Variants in ANKS1B observed in about 807,000 individuals in gnomAD.
ANKS1B encodes ankyrin repeat and sterile alpha motif domain containing 1B, also known as ankyrin repeat and sterile alpha motif domain-containing protein 1B.
Under a neutral mutation model 148.3 loss-of-function variants are expected in ANKS1B, and 36 were observed. The ratio of observed to expected loss-of-function variants is 0.24; its 90% CI spans 0.19 to 0.32. The LOEUF is 0.32. Among genes scored for constraint, ANKS1B ranks in the 10% least tolerant of loss-of-function variants. ANKS1B has a pLI of 1.00. For synonymous variants in ANKS1B, 542 were observed against 560.8 expected (o/e 0.97, Z 0.47); for missense variants, 1,157 against 1,542.6 (o/e 0.75, Z 4.19).
intron 9 of ANKS1B, among the ~76,000 whole-genome samples, chr12:99,578,910 G>A (rs750238023): frequency 2.3e-4 from 35 of 151,916 alleles, no homozygotes; most frequent in Admixed American, 2.2e-3. Context: ...TAAACAAAAA[G>A]AACAATGCCA....
chr12:99,521,268 A>G (rs772792021), intron 9 of ANKS1B, among the ~76,000 whole-genome samples: 2 of 152,192 alleles, frequency 1.3e-5, no homozygotes, highest in African/African-American at 2.4e-5. Context: ...AAATTTATGT[A>G]ATAGAATTCT....
intron 1 of ANKS1B, among the ~76,000 whole-genome samples, chr12:99,938,115 T>C (rs2094825945): frequency 6.6e-6 from 1 of 152,206 alleles, no homozygotes; most frequent in African/African-American, 2.4e-5. Flanking sequence ...GGGATACATG[T>C]ACATGACTAT....
intron 1 of ANKS1B, among the ~76,000 whole-genome samples, chr12:99,886,512 T>A (rs1462137351): frequency 6.6e-6 from 1 of 152,204 alleles, no homozygotes; most frequent in East Asian, 1.9e-4. Flanking sequence ...AATGTTTTTA[T>A]CTTCCTCACC....
At chr12:98,837,071 C>T (rs755170687) in intron 17 of ANKS1B, among the ~76,000 whole-genome samples, 2 of 152,072 alleles carry the variant, frequency 1.3e-5, no homozygotes, top group Non-Finnish European at 2.9e-5. Flanking sequence ...GTGGCTCATG[C>T]CTGTAATCCC....
intron 9 of ANKS1B, among the ~76,000 whole-genome samples, chr12:99,565,137 G>A (rs2097375051): frequency 6.6e-6 from 1 of 152,086 alleles, no homozygotes; most frequent in Admixed American, 6.6e-5. Flanking sequence ...TCAGAATTAT[G>A]GGTTCTAATT....
chr12:99,208,126 A>G (rs1353849500), intron 14 of ANKS1B, among the ~76,000 whole-genome samples: 1 of 152,088 alleles, frequency 6.6e-6, no homozygotes, highest in Non-Finnish European at 1.5e-5. Context: ...TTGCCTAGAA[A>G]GCAAAGAGTC....
Position 98,952,786 on chromosome 12 carries a change from C to T in ANKS1B, c.2778+100371G>A, listed in dbSNP as rs145864023. Reference sequence around the variant, plus strand: ...ATCATCTGCTCTCTGAACAAACTTACTCCTTTCTCAATCTACATTTTTCTA... The same window carrying T: ...ATCATCTGCTCTCTGAACAAACTTATTCCTTTCTCAATCTACATTTTTCTA... On this transcript the variant is annotated intron_variant, in intron 17 of 26. Transcript: ENST00000683438. Among the ~76,000 whole-genome samples, 84 of 152,314 alleles carry T rather than the reference C, an allele frequency of 5.5e-4. 1 individual carries two copies. Among genetic ancestry groups the T allele is most frequent in the Admixed American group, 1.6e-3 (24 of 15,286 alleles).
intron 14 of ANKS1B, among the ~76,000 whole-genome samples, chr12:99,218,139 T>C (rs545864085): frequency 6.6e-6 from 1 of 152,228 alleles, no homozygotes; most frequent in South Asian, 2.1e-4. Flanking sequence ...AATATGAAAG[T>C]TTCAAAGCTT....
At chr12:99,176,800 T>C (rs2078447167) in intron 14 of ANKS1B, among the ~76,000 whole-genome samples, 1 of 152,048 alleles carries the variant, frequency 6.6e-6, no homozygotes, top group Admixed American at 6.6e-5. Context: ...TGCTCCCCCT[T>C]TGCCTTCCAC....
intron 9 of ANKS1B, among the ~76,000 whole-genome samples, chr12:99,620,007 T>C (rs2098026125): frequency 6.6e-6 from 1 of 152,126 alleles, no homozygotes; most frequent in Admixed American, 6.6e-5. Flanking sequence ...TAAACAGGGA[T>C]CAAGTATACA....
At chr12:99,473,865 G>A (rs1288476238) in intron 10 of ANKS1B, among the ~76,000 whole-genome samples, 1 of 151,950 alleles carries the variant, frequency 6.6e-6, no homozygotes, top group East Asian at 1.9e-4. Flanking sequence ...AAAGTATTTT[G>A]TGACATGTCA....
intron 12 of ANKS1B, among the ~76,000 whole-genome samples, chr12:99,257,060 C>A (rs1048565628): frequency 6.6e-6 from 1 of 152,104 alleles, no homozygotes; most frequent in Non-Finnish European, 1.5e-5. Flanking sequence ...CTGGCTAACA[C>A]TGTGAAACCC....
chr12:99,725,354 A>T (rs2058511107), intron 8 of ANKS1B, among the ~76,000 whole-genome samples: 1 of 152,212 alleles, frequency 6.6e-6, no homozygotes, highest in Non-Finnish European at 1.5e-5. Flanking sequence ...CAGGGGTTGC[A>T]ATCCTAGTCT....
At chr12:99,809,966 T>C (rs1012912776) in intron 3 of ANKS1B, among the ~76,000 whole-genome samples, 1 of 152,038 alleles carries the variant, frequency 6.6e-6, no homozygotes, top group South Asian at 2.1e-4. Context: ...ACTCCATATA[T>C]ATAGTAGCAA....
At chr12:99,463,685 T>C (rs938010470) in intron 10 of ANKS1B, among the ~76,000 whole-genome samples, 3 of 152,196 alleles carry the variant, frequency 2.0e-5, no homozygotes, top group Admixed American at 6.5e-5. Context: ...GTCTCACTGA[T>C]TGCTAGCACA....
At chr12:98,969,816 TATACC>T (rs60338987) in intron 17 of ANKS1B, among the ~76,000 whole-genome samples, 5,329 of 152,248 alleles carry the variant, frequency 0.035, 238 homozygotes, top group African/African-American at 0.1. Context: ...TCCTATTCAG[TATACC>T]TGTTACTAAA....
At chr12:99,164,834 AAG>A (rs2077045224) in intron 14 of ANKS1B, among the ~76,000 whole-genome samples, 1 of 151,972 alleles carries the variant, frequency 6.6e-6, no homozygotes, top group Non-Finnish European at 1.5e-5. Context: ...CTCCTATTTA[AAG>A]AGTCTTTATT....
intron 17 of ANKS1B, among the ~76,000 whole-genome samples, chr12:98,971,429 T>C (rs1269443789): frequency 5.9e-5 from 9 of 152,256 alleles, no homozygotes; most frequent in Non-Finnish European, 1.3e-4. Context: ...AATTCCTCTT[T>C]GACCTATTAA....
intron 12 of ANKS1B, among the ~76,000 whole-genome samples, chr12:99,306,263 G>C (rs779983966): frequency 6.6e-6 from 1 of 152,058 alleles, no homozygotes; most frequent in Non-Finnish European, 1.5e-5. Context: ...AGGTGCAAGT[G>C]GGGTAGGGGA....
Sources: allele counts gnomAD v4.1 joint callset (sites outside exome capture counted in the v4.1 genomes callset), GRCh38; gene constraint gnomAD v4.1.1; transcripts MANE v1.5; gene names NCBI Gene and HGNC (gene_info 2026-07-23, HGNC 2026-07-21).